Variants in TRPM3 observed in about 807,000 individuals in gnomAD.
TRPM3 encodes the protein transient receptor potential cation channel subfamily M member 3.
Under a neutral mutation model 181.2 loss-of-function variants are expected in TRPM3, and 77 were observed. That is an observed-to-expected ratio of 0.42 (90% confidence interval 0.35 to 0.51). TRPM3 has a LOEUF of 0.51. TRPM3 is among the 20% of genes least tolerant of loss of function. TRPM3 has a pLI of 0.01. For synonymous variants in TRPM3, 745 were observed against 796.4 expected, an observed-to-expected ratio of 0.94 and a Z score of 1.09; for missense variants, 1,759 against 2,196.7, an observed-to-expected ratio of 0.80 and a Z score of 3.98.
chr9:71,201,516 A>C (rs1244655887), intron 1 of TRPM3, among the ~76,000 whole-genome samples: 1 of 152,182 alleles, frequency 6.6e-6, no homozygotes, highest in African/African-American at 2.4e-5. Context: ...TACACCAATC[A>C]GACGTAGATT....
intron 1 of TRPM3, among the ~76,000 whole-genome samples, chr9:71,322,979 G>C (rs1178796102): frequency 6.6e-6 from 1 of 151,956 alleles, no homozygotes; most frequent in Admixed American, 6.6e-5. Context: ...TTACCTTTTT[G>C]CAATATTTCT....
chr9:71,033,841 C>T (rs539401818), intron 1 of TRPM3, among the ~76,000 whole-genome samples: 3 of 152,258 alleles, frequency 2.0e-5, no homozygotes, highest in South Asian at 2.1e-4. Context: ...CTCAGGGTCA[C>T]GGGTGGCCAG....
At chr9:70,838,592 T>G (rs2094459064) in intron 5 of TRPM3, among the ~76,000 whole-genome samples, 2 of 152,154 alleles carry the variant, frequency 1.3e-5, no homozygotes, top group South Asian at 4.2e-4. Flanking sequence ...GATATGACGT[T>G]AAGGGTGAAG....
intron 5 of TRPM3, among the ~76,000 whole-genome samples, chr9:70,828,893 T>A (rs57391768): frequency 6.6e-6 from 1 of 152,058 alleles, no homozygotes; most frequent in Non-Finnish European, 1.5e-5. Flanking sequence ...TCAGAATTCA[T>A]ACCCAGGACT....
rs111776056 is a variant in TRPM3, at chr9:71,148,441, T to C, written c.184-283930A>G. The stretch of plus-strand genomic sequence containing the variant: ...TGCAATGTCTAAGGTGTGTTGGATG[T>C]TGTTTTGAAATGCTTTGTTTTCTGA... On this transcript the variant is annotated intron_variant, in intron 1 of 24. Transcript: ENST00000357533. Among the ~76,000 whole-genome samples the C allele has an allele frequency of 8.3e-4, 126 of 152,310 alleles. 1 individual carries two copies. The highest frequency in any genetic ancestry group is 2.4e-3 in the African/African-American group (98 of 41,588).
intron 6 of TRPM3, chr9:70,811,070 G>T (rs1273743560): frequency 3.4e-6 from 3 of 889,706 alleles, no homozygotes; most frequent in Non-Finnish European, 5.3e-6. Flanking sequence ...ACAGTCATAG[G>T]GAGTGATACT....
chr9:70,610,582 A>T, intron 19 of TRPM3, 27 bp downstream of exon 19: 1 of 1,607,280 alleles, frequency 6.2e-7, no homozygotes. Flanking sequence ...GCCATCCACT[A>T]GGAAGGAGAA....
chr9:71,120,889 G>T (rs1190498121), intron 1 of TRPM3, among the ~76,000 whole-genome samples: 1 of 151,796 alleles, frequency 6.6e-6, no homozygotes, highest in Admixed American at 6.6e-5. Context: ...TCTGTTTTAG[G>T]AATGGTTAAA....
chr9:70,615,238 A>G (rs990449056), intron 18 of TRPM3, among the ~76,000 whole-genome samples: 52 of 152,208 alleles, frequency 3.4e-4, no homozygotes, highest in African/African-American at 1.2e-3. Context: ...CTGTTGCTTG[A>G]TGACTTCCAA....
chr9:70,603,222 G>A lies in TRPM3; in HGVS notation c.2796+120C>T, dbSNP rs1436434115. ...GAGGAGCAAAGAAGCAGCTGTGGTA[G>A]AGTTAGAGAAAACAGTTTCCGGCTT... On this transcript the variant is annotated intron_variant, in intron 20 of 25. Transcript: ENST00000677713. 5.3e-5 allele frequency: 65 copies of A among 1,224,700 alleles called. 1 individual carries two copies. The highest frequency in any genetic ancestry group is 7.0e-5 in the Non-Finnish European group (61 of 872,186). 75.9% of individuals were successfully genotyped at this position (1,224,700 alleles called of 1,614,324 possible).
At chr9:71,376,266 A>G (rs1327525814) in intron 1 of TRPM3, among the ~76,000 whole-genome samples, 1 of 152,070 alleles carries the variant, frequency 6.6e-6, no homozygotes, top group Non-Finnish European at 1.5e-5. Flanking sequence ...ATTTTTATTT[A>G]GGTTTAAAGA....
At chr9:71,065,585 T>A (rs1218794787) in intron 1 of TRPM3, among the ~76,000 whole-genome samples, 3 of 152,196 alleles carry the variant, frequency 2.0e-5, no homozygotes, top group South Asian at 2.1e-4. Context: ...GGCATATTAT[T>A]AAGTGAATTC....
chr9:70,825,804 G>A (rs2093519058), intron 6 of TRPM3: 1 of 152,254 alleles, frequency 6.6e-6, no homozygotes, highest in African/African-American at 2.4e-5. Context: ...ATTGCAAAAG[G>A]GTACTCCCTC....
chr9:71,188,284 C>G (rs1587850647), intron 1 of TRPM3, among the ~76,000 whole-genome samples: 1 of 151,920 alleles, frequency 6.6e-6, no homozygotes, highest in African/African-American at 2.4e-5. Context: ...ACACTGGATA[C>G]CATCAAGCAT....
At chr9:70,614,046 G>C (rs1232708978) in intron 18 of TRPM3, among the ~76,000 whole-genome samples, 1 of 152,178 alleles carries the variant, frequency 6.6e-6, no homozygotes, top group Non-Finnish European at 1.5e-5. Context: ...CCACACTTGA[G>C]ACTAGAGAGA....
At chr9:71,367,921 G>A (rs1321545768) in intron 1 of TRPM3, among the ~76,000 whole-genome samples, 1 of 150,772 alleles carries the variant, frequency 6.6e-6, no homozygotes, top group Non-Finnish European at 1.5e-5. Context: ...TCAACTTGCT[G>A]TCTTAGTATC....
At chr9:70,647,317 G>T (rs2059019565) in intron 9 of TRPM3, among the ~76,000 whole-genome samples, 1 of 152,128 alleles carries the variant, frequency 6.6e-6, no homozygotes, top group Admixed American at 6.5e-5. Context: ...GCTGAATCCA[G>T]CAGCACATCA....
rs375545571 is a variant in TRPM3, at chr9:70,544,166, A to T, written c.3707+5376T>A. On this transcript the variant is annotated intron_variant, in intron 25 of 25. Coordinates refer to ENST00000677713, the MANE Select transcript of TRPM3 (RefSeq NM_001366145.2). ...TTAAGAACCAATGGGAAATAAAAAG[A>T]AATGCCAGAAAATTGGAGATAGATA... Among the ~76,000 whole-genome samples, 7 of 152,200 alleles carry T rather than the reference A, an allele frequency of 4.6e-5. No homozygotes were observed. The East Asian group carries it at 1.2e-3, about 25-fold the overall frequency.
At chr9:71,131,748 A>G (rs1776972046) in intron 1 of TRPM3, among the ~76,000 whole-genome samples, 1 of 152,222 alleles carries the variant, frequency 6.6e-6, no homozygotes, top group African/African-American at 2.4e-5. Flanking sequence ...TAATAAAAGG[A>G]AAAGTTCTCA....
Sources: allele counts gnomAD v4.1 joint callset (sites outside exome capture counted in the v4.1 genomes callset), GRCh38; gene constraint gnomAD v4.1.1; transcripts MANE v1.5; gene names NCBI Gene and HGNC (gene_info 2026-07-23, HGNC 2026-07-21).